Variants in FAM227A observed in about 807,000 individuals in gnomAD.
The protein encoded by FAM227A is protein FAM227A.
A neutral mutation model predicts 74.7 loss-of-function variants in FAM227A; 80 were observed. That is an observed-to-expected ratio of 1.07 (90% confidence interval 0.89 to 1.29). FAM227A has a LOEUF of 1.29. Among genes scored for constraint, FAM227A ranks in the 50% most tolerant of loss-of-function variants. The pLI, the probability that FAM227A is intolerant of heterozygous loss-of-function variation, is 0.00. For synonymous variants in FAM227A, 237 were observed against 241.8 expected (o/e 0.98, Z 0.19); for missense variants, 654 against 683.4 (o/e 0.96, Z 0.48).
intron 11 of FAM227A, among the ~76,000 whole-genome samples, chr22:38,614,795 C>T (rs192046084): frequency 8.5e-5 from 13 of 152,204 alleles, no homozygotes; most frequent in East Asian, 5.8e-4. Context: ...AAAGAACACA[C>T]GCTTGTTTCA....
intron 5 of FAM227A, among the ~76,000 whole-genome samples, chr22:38,637,639 G>A (rs2092032889): frequency 6.6e-6 from 1 of 152,226 alleles, no homozygotes; most frequent in African/African-American, 2.4e-5. Flanking sequence ...TTAGATGACT[G>A]CAGTCAGGTG....
Position 38,582,772 on chromosome 22 carries a change from G to A in FAM227A, c.*3353C>T, listed in dbSNP as rs2090727235. ...AATAGTAGCGGTGGATAGGTAGACA[G>A]GCAATTCCAATCTACTATGGTAACT... On this transcript the variant is annotated 3_prime_UTR_variant, in exon 17 of 17. Transcript: ENST00000535113. The A allele has an allele frequency of 1.2e-5, 18 of 1,505,382 alleles. No homozygotes were observed. Among genetic ancestry groups the A allele is most frequent in the Middle Eastern group, 4.5e-4 (2 of 4,406 alleles). 93.3% of individuals were successfully genotyped at this position (1,505,382 alleles called of 1,614,324 possible). A position where few individuals can be genotyped will look rare whatever the true frequency, so the allele number is the denominator to read the frequency against.
intron 3 of FAM227A, among the ~76,000 whole-genome samples, chr22:38,641,122 A>AG (rs1272432743): frequency 1.5e-5 from 2 of 130,094 alleles, no homozygotes; most frequent in Admixed American, 7.2e-5. Context: ...GCACAGAAAG[A>AG]GGGGAGAGAA....
intron 8 of FAM227A, 92 bp downstream of exon 8, chr22:38,628,146 C>T (rs1271846675): frequency 3.8e-6 from 3 of 781,738 alleles, no homozygotes; most frequent in Non-Finnish European, 6.5e-6. Context: ...TAATTACTCC[C>T]TTATGTAAAG....
intron 9 of FAM227A, 26 bp downstream of exon 9, chr22:38,626,154 C>T (rs1004960435): frequency 4.5e-6 from 7 of 1,549,004 alleles, no homozygotes; most frequent in Non-Finnish European, 6.1e-6. Context: ...AATCGCTTTC[C>T]CCGGTGGAAA....
intron 10 of FAM227A, among the ~76,000 whole-genome samples, chr22:38,621,092 T>C (rs1408684302): frequency 6.6e-6 from 1 of 151,884 alleles, no homozygotes; most frequent in Non-Finnish European, 1.5e-5. Context: ...ATCCCAGCAC[T>C]TTGGGAGGCC....
Position 38,605,279 on chromosome 22 carries a change from TC to T in FAM227A, c.1195del (p.Glu399AsnfsTer19), listed in dbSNP as rs754655654. The T allele has an allele frequency of 3.2e-5, 50 of 1,549,356 alleles. No individual in the cohort carries two copies. Among genetic ancestry groups the T allele is most frequent in the Non-Finnish European group, 4.3e-5 (49 of 1,144,570 alleles). Reference protein sequence around the residue: ...QEVKRISEARECENMFPKKSC... With the variant: ...QEVKRISEARXCENMFPKKSC... ...CTTTTTAGGAAACATATTCTCACAT[TC>T]TCTTGCTTCTGATATCCTCTTGACT... On this transcript the variant is annotated frameshift_variant, in exon 13 of 17. Coordinates refer to ENST00000535113, the MANE Select transcript of FAM227A (RefSeq NM_001013647.2). LOFTEE classifies it high-confidence loss of function.
intron 16 of FAM227A, among the ~76,000 whole-genome samples, chr22:38,589,060 T>C (rs5750629): frequency 0.35 from 53,315 of 152,030 alleles, 9,674 homozygotes; most frequent in East Asian, 0.47. Context: ...AAATAGTCTT[T>C]GCAGATGTAA....
chr22:38,610,099 T>G (rs1048537452), intron 11 of FAM227A, among the ~76,000 whole-genome samples: 1 of 151,236 alleles, frequency 6.6e-6, no homozygotes, highest in South Asian at 2.1e-4. Context: ...TAAGAGACAG[T>G]GTCTTTACTC....
intron 8 of FAM227A, 109 bp from the exon 9 acceptor site, chr22:38,626,412 T>C: frequency 2.2e-6 from 3 of 1,345,078 alleles, no homozygotes; most frequent in Non-Finnish European, 3.0e-6. Context: ...TTGTTGTTGT[T>C]GTTGTTTAGA....
intron 1 of FAM227A, among the ~76,000 whole-genome samples, chr22:38,652,248 AAAATT>A (rs932344338): frequency 2.0e-4 from 31 of 152,046 alleles, no homozygotes; most frequent in South Asian, 4.2e-4. Flanking sequence ...GAAAAAAAGA[AAAATT>A]AAAATAACAA....
intron 15 of FAM227A, 43 bp downstream of exon 15, chr22:38,597,161 G>A (rs1180652280): frequency 6.5e-7 from 1 of 1,541,642 alleles, no homozygotes; most frequent in Non-Finnish European, 8.8e-7. Context: ...TGCTGCAAAA[G>A]ATAAGTGCGG....
In FAM227A at chr22:38,638,170, G is replaced by C. The variant is rs146022510; in HGVS notation, c.372+576C>G. The stretch of plus-strand genomic sequence containing the variant: ...ACAGAGAGAGACCCCATCTCAAAAA[G>C]AAAAAAAGAAATAAAGAACAAGCCA... On this transcript the variant is annotated intron_variant, in intron 5 of 16. Coordinates refer to ENST00000535113, the MANE Select transcript of FAM227A (RefSeq NM_001013647.2). Among the ~76,000 whole-genome samples the C allele has an allele frequency of 2.6e-3, 402 of 151,974 alleles. 2 individuals are homozygous for C. The highest frequency in any genetic ancestry group is 9.4e-3 in the African/African-American group (388 of 41,464).
intron 11 of FAM227A, among the ~76,000 whole-genome samples, chr22:38,613,095 T>TATA (rs1491164705): frequency 9.8e-4 from 90 of 91,558 alleles, no homozygotes; most frequent in African/African-American, 4.1e-3. Flanking sequence ...TATATATATA[T>TATA]TATATATAAT....
chr22:38,596,448 A>C (rs1387310445), intron 15 of FAM227A, among the ~76,000 whole-genome samples: 2 of 152,230 alleles, frequency 1.3e-5, no homozygotes, highest in African/African-American at 4.8e-5. Context: ...GAGGAGGCTA[A>C]GGAAGGAGGA....
chr22:38,624,075 G>A (rs534366465), intron 9 of FAM227A, among the ~76,000 whole-genome samples: 10 of 152,114 alleles, frequency 6.6e-5, no homozygotes, highest in South Asian at 2.1e-4. Flanking sequence ...GAGGCAGGGT[G>A]GCATAATGGT....
At chr22:38,621,950 G>A (rs2091700259) in intron 10 of FAM227A, among the ~76,000 whole-genome samples, 1 of 152,030 alleles carries the variant, frequency 6.6e-6, no homozygotes, top group South Asian at 2.1e-4. Context: ...TCCCCTGCAG[G>A]ACAATTGTGT....
intron 5 of FAM227A, among the ~76,000 whole-genome samples, chr22:38,638,003 C>G (rs1364142299): frequency 6.6e-6 from 1 of 152,014 alleles, no homozygotes; most frequent in South Asian, 2.1e-4. Context: ...CCCATCTCTA[C>G]CAAAAATGCA....
chr22:38,647,840 C>A (rs969290579), intron 2 of FAM227A, among the ~76,000 whole-genome samples: 2 of 152,122 alleles, frequency 1.3e-5, no homozygotes, highest in Admixed American at 1.3e-4. Flanking sequence ...AGGGACATGA[C>A]AAATCACAGC....
Sources: gnomAD v4.1 joint callset for allele counts (sites outside exome capture counted in the v4.1 genomes callset) on GRCh38, gnomAD v4.1.1 for gene constraint, MANE v1.5 for transcripts, NCBI Gene and HGNC (gene_info 2026-07-23, HGNC 2026-07-21) for gene names.